Variants in SNX7 observed in about 807,000 individuals in gnomAD.
SNX7 encodes the protein sorting nexin-7.
In SNX7, 35 loss-of-function variants were observed where a neutral mutation model predicts 48.4. That is an observed-to-expected ratio of 0.72 (90% CI 0.55 to 0.96). SNX7 has a LOEUF of 0.96. Among genes scored for constraint, SNX7 ranks in the 40% least tolerant of loss-of-function variants. SNX7 has a pLI of 0.00. For synonymous variants in SNX7, 190 were observed against 190.2 expected, an observed-to-expected ratio of 1.00 and a Z score of 0.01; for missense variants, 553 against 548.9, an observed-to-expected ratio of 1.01 and a Z score of -0.07.
chr1:98,694,302 G>A lies in SNX7; in HGVS notation c.640-1216G>A, dbSNP rs138148035. 0.03 allele frequency among the ~76,000 whole-genome samples: 4,615 copies of A among 151,366 alleles called. 351 individuals are homozygous for A. In the East Asian group the frequency reaches 0.33, roughly 11 times the overall value. ...GGAGAATGGCATGAACCCGGGAGGCGGAGCTTGCAGTGAGCCAGGATTGTG... is the reference window on the plus strand; with the variant it reads ...GGAGAATGGCATGAACCCGGGAGGCAGAGCTTGCAGTGAGCCAGGATTGTG... On this transcript the variant is annotated intron_variant, in intron 4 of 8. Transcript: ENST00000306121.
intron 7 of SNX7, among the ~76,000 whole-genome samples, chr1:98,721,322 G>A (rs892519414): frequency 8.5e-5 from 13 of 152,064 alleles, no homozygotes; most frequent in African/African-American, 3.1e-4. Flanking sequence ...CTATACTCAT[G>A]TTTTACTTGT....
chr1:98,714,183 G>A (rs1652466107), intron 7 of SNX7, among the ~76,000 whole-genome samples: 1 of 152,132 alleles, frequency 6.6e-6, no homozygotes, highest in African/African-American at 2.4e-5. Context: ...CAGTCACATG[G>A]CTATTCAACT....
In SNX7 at chr1:98,662,008, C is replaced by T. The variant is rs1257566664; in HGVS notation, c.180+97C>T. ...GCTGCCTCTGGCGCGCTTGCCCTCC[C>T]GGGGCGGTGGCTCTGAGCTGGGGAC... On this transcript the variant is annotated intron_variant, in intron 1 of 8. Coordinates refer to ENST00000306121, the MANE Select transcript of SNX7 (RefSeq NM_015976.5). 3 of 1,188,296 alleles carry T rather than the reference C, an allele frequency of 2.5e-6. No individual in the cohort carries two copies. In the African/African-American group the frequency reaches 4.8e-5, roughly 19 times the overall value. 73.6% of individuals were successfully genotyped at this position (1,188,296 alleles called of 1,614,324 possible).
intron 8 of SNX7, among the ~76,000 whole-genome samples, chr1:98,749,303 A>T (rs983219194): frequency 7.9e-5 from 12 of 152,072 alleles, no homozygotes; most frequent in African/African-American, 2.9e-4. Flanking sequence ...CATCTACAGA[A>T]TAATGCTACA....
At chr1:98,739,052 G>A (rs1015343236) in intron 8 of SNX7, among the ~76,000 whole-genome samples, 2 of 152,098 alleles carry the variant, frequency 1.3e-5, no homozygotes, top group African/African-American at 4.8e-5. Context: ...CAGGTTTCAT[G>A]GAAGACAAGT....
At chr1:98,735,185 G>A (rs6665235) in intron 7 of SNX7, among the ~76,000 whole-genome samples, 40,106 of 152,004 alleles carry the variant, frequency 0.26, 5,629 homozygotes, top group Middle Eastern at 0.31. Flanking sequence ...ACCAAAGAAC[G>A]TAGTAAAATT....
At position 98,691,162 on chromosome 1, in the gene SNX7, G is replaced by A. The variant is rs1651099544; in HGVS notation, c.451G>A (p.Ala151Thr). Residue 151 changes from alanine to threonine, a missense_variant, in exon 3 of 9, where the codon GCA becomes ACA. Physicochemically the swap from Ala to Thr is moderately conservative, Grantham distance 58 (BLOSUM62 0). Coordinates refer to ENST00000306121, the MANE Select transcript of SNX7 (RefSeq NM_015976.5). ...TTGGTTGAAGGGAAAACTGGAAGAAGCACACCCCACTCTGATTATTCCAGT... is the reference window on the plus strand; with the variant it reads ...TTGGTTGAAGGGAAAACTGGAAGAAACACACCCCACTCTGATTATTCCAGT... ...FLWLKGKLEEAHPTLIIPPLP... is the reference protein window; with the variant it reads ...FLWLKGKLEETHPTLIIPPLP... 1 of 1,609,312 alleles carries A rather than the reference G, an allele frequency of 6.2e-7. No individual in the cohort carries two copies. Among genetic ancestry groups the A allele is most frequent in the Non-Finnish European group, 8.5e-7 (1 of 1,177,348 alleles).
intron 7 of SNX7, 101 bp downstream of exon 7, chr1:98,702,004 T>C (rs1570540652): frequency 1.2e-6 from 1 of 816,176 alleles, no homozygotes; most frequent in Non-Finnish European, 1.9e-6. Flanking sequence ...TTGTTTCTTA[T>C]ATGATTGTTT....
At chr1:98,753,606 A>G (rs2101057401) in intron 8 of SNX7, among the ~76,000 whole-genome samples, 1 of 152,232 alleles carries the variant, frequency 6.6e-6, no homozygotes, top group Middle Eastern at 3.4e-3. Flanking sequence ...ATAGTTTTGC[A>G]GTTATTAAAA....
At chr1:98,677,915 T>C (rs1570497909) in intron 1 of SNX7, among the ~76,000 whole-genome samples, 1 of 151,232 alleles carries the variant, frequency 6.6e-6, no homozygotes, top group Non-Finnish European at 1.5e-5. Flanking sequence ...TATATCATTC[T>C]AATTTGTGAA....
Position 98,661,784 on chromosome 1 carries a change from G to C in SNX7, c.53G>C (p.Gly18Ala), listed in dbSNP as rs972441209. Residue 18 changes from glycine to alanine, a missense_variant, in exon 1 of 9, where the codon GGG becomes GCG. By Grantham distance (60) the Gly-to-Ala change is moderately conservative (BLOSUM62 0). Transcript: ENST00000306121. ...GCGCCCTCCTCGGGCCTCCCGGCCG[G>C]GGGCGCCAACGGGGAGAGCCCGGGG... ...SQAPSSGLPA[G>A]GANGESPGGG... 16 of 1,243,450 alleles carry C rather than the reference G, an allele frequency of 1.3e-5. No individual in the cohort carries two copies. Among genetic ancestry groups the C allele is most frequent in the African/African-American group, 6.2e-5 (4 of 64,270 alleles). The allele number at this position is 1,243,450 out of a possible 1,614,324, so 77.0% of individuals were successfully genotyped here. A position where few individuals can be genotyped will look rare whatever the true frequency, so the allele number is the denominator to read the frequency against.
intron 8 of SNX7, among the ~76,000 whole-genome samples, chr1:98,756,033 A>G (rs953521613): frequency 2.8e-5 from 2 of 70,474 alleles, no homozygotes; most frequent in Admixed American, 1.3e-4. Context: ...ACAATTTTAC[A>G]TGATTTCATT....
intron 3 of SNX7, 145 bp from the exon 4 acceptor site, chr1:98,691,390 G>C: frequency 1.3e-6 from 1 of 761,206 alleles, no homozygotes. Context: ...CTCATTTTTG[G>C]TTCTAACATT....
chr1:98,662,820 A>G (rs1339196237), intron 1 of SNX7: 2 of 1,289,258 alleles, frequency 1.6e-6, no homozygotes, highest in Non-Finnish European at 2.0e-6. Flanking sequence ...ATATTAGGTA[A>G]AGCAAACGAC....
At chr1:98,678,701 A>G (rs1371824218) in intron 1 of SNX7, among the ~76,000 whole-genome samples, 1 of 152,366 alleles carries the variant, frequency 6.6e-6, no homozygotes, top group African/African-American at 2.4e-5. Context: ...GGGACTGTTT[A>G]GACATCAAAA....
At chr1:98,753,196 A>G (rs925954810) in intron 8 of SNX7, among the ~76,000 whole-genome samples, 2 of 152,034 alleles carry the variant, frequency 1.3e-5, no homozygotes, top group African/African-American at 4.8e-5. Context: ...GCAGTTGTTA[A>G]TGTTATTTCT....
At chr1:98,751,515 G>A (rs1373035786) in intron 8 of SNX7, among the ~76,000 whole-genome samples, 1 of 151,998 alleles carries the variant, frequency 6.6e-6, no homozygotes, top group Non-Finnish European at 1.5e-5. Flanking sequence ...CTTTCTCTGA[G>A]TTCTCTCCTC....
intron 6 of SNX7, among the ~76,000 whole-genome samples, chr1:98,701,153 A>G (rs1570539011): frequency 6.6e-6 from 1 of 152,172 alleles, no homozygotes; most frequent in Non-Finnish European, 1.5e-5. Context: ...TGAATTCTGC[A>G]CTCAAATTTC....
intron 8 of SNX7, among the ~76,000 whole-genome samples, chr1:98,755,155 T>C (rs928506014): frequency 6.6e-6 from 1 of 152,192 alleles, no homozygotes; most frequent in Non-Finnish European, 1.5e-5. Context: ...TCCATTATGT[T>C]CAGAGAACAT....
Sources: gnomAD v4.1 joint callset for allele counts (sites outside exome capture counted in the v4.1 genomes callset) on GRCh38, gnomAD v4.1.1 for gene constraint, MANE v1.5 for transcripts, NCBI Gene and HGNC (gene_info 2026-07-23, HGNC 2026-07-21) for gene names.